The following CSMD1 variants were observed in gnomAD, a reference collection of about 807,000 sequenced individuals.
CSMD1 encodes CUB and Sushi multiple domains 1.
A neutral mutation model predicts 417.5 loss-of-function variants in CSMD1; 213 were observed. The ratio of observed to expected loss-of-function variants is 0.51; its 90% CI spans 0.46 to 0.57. The LOEUF (loss-of-function observed/expected upper bound fraction) is 0.57. Ranked by LOEUF, CSMD1 falls within the 20% of genes least tolerant of loss-of-function variation. The pLI is 0.00. For synonymous variants in CSMD1, 2,862 were observed against 1,736.8 expected (o/e 1.65, Z -16.11); for missense variants, 6,923 against 4,529.7 (o/e 1.53, Z -15.17).
chr8:3,425,683 T>C (rs1439037096), intron 12 of CSMD1, among the ~76,000 whole-genome samples: 1 of 152,088 alleles, frequency 6.6e-6, no homozygotes, highest in Non-Finnish European at 1.5e-5. Context: ...TACTCTTCTG[T>C]TGTTGTTAGT....
chr8:3,932,166 A>G lies in CSMD1; in HGVS notation c.818+65737T>C, dbSNP rs529862900. On this transcript the variant is annotated intron_variant, in intron 5 of 69. Transcript: ENST00000635120. Reference sequence around the variant, plus strand: ...AGGACAGTGCTGGAATGAAACTCAGATATTCCTAACTGTAGACACTGTTTC... The same window carrying G: ...AGGACAGTGCTGGAATGAAACTCAGGTATTCCTAACTGTAGACACTGTTTC... 2.7e-5 allele frequency among the ~76,000 whole-genome samples: 4 copies of G among 150,416 alleles called. No individual in the cohort carries two copies. In the South Asian group the frequency reaches 6.5e-4, roughly 24 times the overall value.
chr8:3,861,609 TCA>T (rs911304194), intron 5 of CSMD1, among the ~76,000 whole-genome samples: 29 of 152,206 alleles, frequency 1.9e-4, no homozygotes, highest in African/African-American at 5.8e-4. Context: ...TGAAGTGACC[TCA>T]CATTCATCTA....
At chr8:4,578,525 A>G (rs563687619) in intron 2 of CSMD1, among the ~76,000 whole-genome samples, 2 of 150,228 alleles carry the variant, frequency 1.3e-5, no homozygotes, top group East Asian at 3.9e-4. Flanking sequence ...TTATTATAAA[A>G]CCTATCTTTG....
At chr8:3,713,960 A>C (rs562788413) in intron 6 of CSMD1, among the ~76,000 whole-genome samples, 30 of 152,250 alleles carry the variant, frequency 2.0e-4, no homozygotes, top group African/African-American at 6.7e-4. Context: ...AAGAATATTT[A>C]CTACTATTGG....
In CSMD1 at chr8:3,965,894, G is replaced by A. The variant is rs146000614; in HGVS notation, c.818+32009C>T. ...GGCCTTTTGAAGTGCTAGGACTACA[G>A]GTATGAGCCACCATGCCCGGCCAAT... On this transcript the variant is annotated intron_variant, in intron 5 of 69. Transcript: ENST00000635120. Among the ~76,000 whole-genome samples the A allele has an allele frequency of 4.0e-3, 606 of 152,238 alleles. 3 individuals are homozygous for A. In the South Asian group the frequency reaches 0.041, roughly 10 times the overall value.
chr8:3,674,416 G>T (rs1032396141), intron 7 of CSMD1, among the ~76,000 whole-genome samples: 1 of 151,730 alleles, frequency 6.6e-6, no homozygotes, highest in Non-Finnish European at 1.5e-5. Context: ...TTCAAATCAA[G>T]AATATTTAAA....
At chr8:4,987,987 C>A (rs926216851) in intron 1 of CSMD1, among the ~76,000 whole-genome samples, 1 of 152,158 alleles carries the variant, frequency 6.6e-6, no homozygotes, top group Non-Finnish European at 1.5e-5. Context: ...TGCTGACAGC[C>A]TATTGTGGGA....
At chr8:3,089,258 C>T (rs1814759141) in intron 48 of CSMD1, among the ~76,000 whole-genome samples, 2 of 152,218 alleles carry the variant, frequency 1.3e-5, no homozygotes, top group Admixed American at 1.3e-4. Flanking sequence ...TGAGAGAAGA[C>T]TGGGACAGGT....
In CSMD1 at chr8:4,139,091, C is replaced by T. The variant is rs117392332; in HGVS notation, c.416-106992G>A. ...CAGAGCAACAATGTCTTTTACCGAC[C>T]ACAACACAGCTACACATGAAGACCC... On this transcript the variant is annotated intron_variant, in intron 3 of 69. Coordinates refer to ENST00000635120, the MANE Select transcript of CSMD1 (RefSeq NM_033225.6). Among the ~76,000 whole-genome samples the T allele has an allele frequency of 4.8e-3, 727 of 152,234 alleles. 2 individuals are homozygous for T. The highest frequency in any genetic ancestry group is 8.4e-3 in the Non-Finnish European group (574 of 68,024).
At chr8:4,332,875 T>A (rs372158712) in intron 3 of CSMD1, among the ~76,000 whole-genome samples, 2 of 151,914 alleles carry the variant, frequency 1.3e-5, no homozygotes, top group East Asian at 3.9e-4. Context: ...CAAAGGAATG[T>A]TTTTGAGAAA....
At chr8:4,938,265 T>C (rs1404203501) in intron 1 of CSMD1, among the ~76,000 whole-genome samples, 1 of 152,188 alleles carries the variant, frequency 6.6e-6, no homozygotes, top group Non-Finnish European at 1.5e-5. Context: ...TTTCCAAAAC[T>C]CTATTTGTTG....
chr8:4,907,113 C>A (rs964037389), intron 1 of CSMD1, among the ~76,000 whole-genome samples: 1 of 152,172 alleles, frequency 6.6e-6, no homozygotes, highest in African/African-American at 2.4e-5. Context: ...ATAATTGCTG[C>A]TTTCTGTGTG....
At chr8:3,271,685 G>T (rs574976606) in intron 26 of CSMD1, among the ~76,000 whole-genome samples, 1 of 152,346 alleles carries the variant, frequency 6.6e-6, no homozygotes, top group African/African-American at 2.4e-5. Flanking sequence ...AGCCAGTGAT[G>T]ATGAGCATTT....
chr8:3,330,284 A>G (rs11776403), intron 23 of CSMD1, among the ~76,000 whole-genome samples: 27,745 of 152,180 alleles, frequency 0.18, 3,006 homozygotes, highest in East Asian at 0.35. Context: ...TACCATAAAG[A>G]CATACTCATG....
chr8:2,963,529 G>C lies in CSMD1; in HGVS notation c.9281-134C>G, dbSNP rs7844532. The C allele has an allele frequency of 2.1e-4, 178 of 842,716 alleles. No individual in the cohort carries two copies. The African/African-American group carries it at 2.5e-3, about 12-fold the overall frequency. The allele number at this position is 842,716 out of a possible 1,614,324, so 52.2% of individuals were successfully genotyped here. ...AGGTTTTTAAAAAAAAATAATAAAA[G>C]AATTGCCAAGGAAGACAGTACATCA... On this transcript the variant is annotated intron_variant, in intron 59 of 69. Coordinates refer to ENST00000635120, the MANE Select transcript of CSMD1 (RefSeq NM_033225.6).
At chr8:3,661,242 C>G (rs1177711026) in intron 7 of CSMD1, among the ~76,000 whole-genome samples, 1 of 152,186 alleles carries the variant, frequency 6.6e-6, no homozygotes, top group Non-Finnish European at 1.5e-5. Flanking sequence ...AACAAGAGCT[C>G]AGCCTTGGCC....
chr8:4,164,624 A>C (rs574542607), intron 3 of CSMD1, among the ~76,000 whole-genome samples: 2 of 152,194 alleles, frequency 1.3e-5, no homozygotes, highest in Non-Finnish European at 2.9e-5. Flanking sequence ...ATTGGTTTAC[A>C]TACTTCTGTG....
At chr8:4,322,765 T>G (rs765610315) in intron 3 of CSMD1, among the ~76,000 whole-genome samples, 103 of 152,208 alleles carry the variant, frequency 6.8e-4, no homozygotes, top group Admixed American at 1.0e-3. Context: ...AAGGCAGAGG[T>G]AGGCGGATCA....
At chr8:4,427,008 G>A (rs935283559) in intron 2 of CSMD1, among the ~76,000 whole-genome samples, 2 of 152,078 alleles carry the variant, frequency 1.3e-5, no homozygotes, top group Admixed American at 1.3e-4. Flanking sequence ...ATCAAGAAGT[G>A]ATCAGTGATC....
Sources: allele counts gnomAD v4.1 joint callset (sites outside exome capture counted in the v4.1 genomes callset), GRCh38; gene constraint gnomAD v4.1.1; transcripts MANE v1.5; gene names NCBI Gene and HGNC (gene_info 2026-07-23, HGNC 2026-07-21).